The following GFOD1 variants were observed in gnomAD, a reference collection of about 807,000 sequenced individuals.
The protein encoded by GFOD1 is glucose-fructose oxidoreductase domain-containing protein 1.
GFOD1 carries 9 observed loss-of-function variants against 25.4 expected under a neutral mutation model. The observed-to-expected ratio is 0.35, with a 90% CI of 0.21 to 0.62. GFOD1 has a LOEUF of 0.62. Ranked by LOEUF, GFOD1 falls within the 20% of genes least tolerant of loss-of-function variation. The pLI is 0.72. For missense variants in GFOD1, 403 were observed against 556.9 expected (o/e 0.72, Z 2.78); for synonymous variants, 253 against 245.6 (o/e 1.03, Z -0.28).
Position 13,365,463 on chromosome 6 carries a change from G to A in GFOD1, c.453C>T (p.His151=), listed in dbSNP as rs749645428. Residue 151 remains histidine, a synonymous_variant, in exon 2 of 2, where the codon CAC becomes CAT. Coordinates refer to ENST00000379287, the MANE Select transcript of GFOD1 (RefSeq NM_018988.4). This position sits in a 1 kb window ranked among gnomAD's most constrained non-coding sequence, Gnocchi z 9.2. ...ACTTCTTGCCCAGCAGGCTGCCGCCGTGCACCTGCACCTCACACACCAGCG... is the reference window on the plus strand; with the variant it reads ...ACTTCTTGCCCAGCAGGCTGCCGCCATGCACCTGCACCTCACACACCAGCG... ...GEPLVCEVQV[H]GGSLLGKKYN... 13 of 1,613,550 alleles carry A rather than the reference G, an allele frequency of 8.1e-6. No individual in the cohort carries two copies. In the East Asian group the frequency reaches 1.6e-4, roughly 19 times the overall value.
chr6:13,359,100 T>G lies in GFOD1; in HGVS notation c.*5643A>C, dbSNP rs1486705441. 6.6e-6 allele frequency: 1 copy of G among 152,260 alleles called. No individual in the cohort carries two copies. The highest frequency in any genetic ancestry group is 1.5e-5 in the Non-Finnish European group (1 of 68,110). 9.4% of individuals were successfully genotyped at this position (152,260 alleles called of 1,614,324 possible). A position where few individuals can be genotyped will look rare whatever the true frequency, so the allele number is the denominator to read the frequency against. On this transcript the variant is annotated 3_prime_UTR_variant, in exon 2 of 2. Transcript: ENST00000379287. Reference sequence around the variant, plus strand: ...AAGAAGCGCAGGAGGTCTTGACTCTTCCTATGAGAAGTCCCAGAAGCCCCA... The same window carrying G: ...AAGAAGCGCAGGAGGTCTTGACTCTGCCTATGAGAAGTCCCAGAAGCCCCA...
In GFOD1 at chr6:13,358,817, G is replaced by A. The variant is rs1784905974; in HGVS notation, c.*5926C>T. 1 of 152,416 alleles carries A rather than the reference G, an allele frequency of 6.6e-6. No homozygotes were observed. Among genetic ancestry groups the A allele is most frequent in the African/African-American group, 2.4e-5 (1 of 41,580 alleles). 9.4% of individuals were successfully genotyped at this position (152,416 alleles called of 1,614,324 possible). A position where few individuals can be genotyped will look rare whatever the true frequency, so the allele number is the denominator to read the frequency against. On this transcript the variant is annotated 3_prime_UTR_variant, in exon 2 of 2. Transcript: ENST00000379287. ...GGCAAGCTTTTGATTGCCACACTAA[G>A]CATCAAGCCATTGCATATAATATGT...
intron 1 of GFOD1, among the ~76,000 whole-genome samples, chr6:13,378,719 T>C (rs563601652): frequency 1.3e-5 from 2 of 152,190 alleles, no homozygotes; most frequent in South Asian, 4.2e-4. Flanking sequence ...TGCCACATAC[T>C]CCACTTCCAT....
chr6:13,409,704 G>A (rs1329960156), intron 1 of GFOD1, among the ~76,000 whole-genome samples: 2 of 152,096 alleles, frequency 1.3e-5, no homozygotes, highest in African/African-American at 2.4e-5. Context: ...GGCAGATCAC[G>A]AGGTTGGGAG....
chr6:13,392,877 A>G (rs529336410), intron 1 of GFOD1, among the ~76,000 whole-genome samples: 1 of 150,492 alleles, frequency 6.6e-6, no homozygotes, highest in African/African-American at 2.4e-5. Context: ...GCAACATAGC[A>G]AGATGCTGTC....
intron 1 of GFOD1, among the ~76,000 whole-genome samples, chr6:13,453,218 C>T (rs1026196608): frequency 2.0e-5 from 3 of 152,204 alleles, no homozygotes; most frequent in Admixed American, 1.3e-4. Context: ...AAATTTCCAT[C>T]CTGCTTCCAG....
At chr6:13,460,089 G>A (rs9370129) in intron 1 of GFOD1, among the ~76,000 whole-genome samples, 23,476 of 152,272 alleles carry the variant, frequency 0.15, 2,054 homozygotes, top group South Asian at 0.26. Context: ...AGCCGAGATC[G>A]CGCCACTGCA....
At chr6:13,372,895 G>T (rs926561162) in intron 1 of GFOD1, among the ~76,000 whole-genome samples, 2 of 152,188 alleles carry the variant, frequency 1.3e-5, no homozygotes, top group Admixed American at 1.3e-4. Flanking sequence ...TCTTCTAGAA[G>T]CCAAAACGGA....
chr6:13,446,067 C>T (rs185965735), intron 1 of GFOD1, among the ~76,000 whole-genome samples: 2 of 152,286 alleles, frequency 1.3e-5, no homozygotes, highest in African/African-American at 4.8e-5. Context: ...CAGAGGGAGA[C>T]GGGATCTCAA....
intron 1 of GFOD1, among the ~76,000 whole-genome samples, chr6:13,405,024 C>CATCA (rs1159240260): frequency 6.6e-6 from 1 of 152,220 alleles, no homozygotes; most frequent in South Asian, 2.1e-4. Flanking sequence ...TCTCACCTTA[C>CATCA]ATCAGTACCT....
rs1425630913 is a variant in GFOD1 at position 13,461,907 on chromosome 6, CAATGAGT to C, written c.253+24724_253+24730del. 2.9e-4 allele frequency among the ~76,000 whole-genome samples: 44 copies of C among 152,324 alleles called. 1 individual carries two copies. The highest frequency in any genetic ancestry group is 2.3e-3 in the East Asian group (12 of 5,164). ...TGCACCCTGTGTACCAAGCATGGTG[CAATGAGT>C]CACCAATGCCCTGGGGCAGAGCAGG... On this transcript the variant is annotated intron_variant, in intron 1 of 1. Transcript: ENST00000379287.
rs376260284 is a variant in GFOD1, at chr6:13,472,950, C to T, written c.253+13688G>A. On this transcript the variant is annotated intron_variant, in intron 1 of 1. Coordinates refer to ENST00000379287, the MANE Select transcript of GFOD1 (RefSeq NM_018988.4). ...TTCCTCAAACCATCTCCCAAGATGG[C>T]AGACTACTCTGAGAGAGCCTCACAA... 2.6e-5 allele frequency among the ~76,000 whole-genome samples: 4 copies of T among 152,190 alleles called. No individual in the cohort carries two copies. In the East Asian group the frequency reaches 7.7e-4, roughly 29 times the overall value.
intron 1 of GFOD1, among the ~76,000 whole-genome samples, chr6:13,390,656 G>A (rs181288453): frequency 1.1e-3 from 169 of 151,536 alleles, no homozygotes; most frequent in Middle Eastern, 3.4e-3. Flanking sequence ...CAGCCTAGGA[G>A]TCTGAGGCTG....
At chr6:13,398,764 T>C (rs1408957517) in intron 1 of GFOD1, among the ~76,000 whole-genome samples, 1 of 152,132 alleles carries the variant, frequency 6.6e-6, no homozygotes, top group African/African-American at 2.4e-5. Flanking sequence ...GCGACTCCAC[T>C]TTCCCTCAGG....
intron 1 of GFOD1, among the ~76,000 whole-genome samples, chr6:13,421,690 T>TG (rs1786259710): frequency 1.3e-5 from 2 of 151,430 alleles, no homozygotes; most frequent in South Asian, 4.2e-4. Flanking sequence ...CAGAGGCAAG[T>TG]GAAAAAAAAA....
rs578021663 is a variant in GFOD1 at position 13,430,930 on chromosome 6, G to A, written c.253+55708C>T. ...CCTCTCTACAGTCCAGCCATCATACGAATGCCTTATATGTGCTTCATCTCA... is the reference window on the plus strand; with the variant it reads ...CCTCTCTACAGTCCAGCCATCATACAAATGCCTTATATGTGCTTCATCTCA... On this transcript the variant is annotated intron_variant, in intron 1 of 1. Coordinates refer to ENST00000379287, the MANE Select transcript of GFOD1 (RefSeq NM_018988.4). This position sits in a 1 kb window ranked among gnomAD's most constrained non-coding sequence, Gnocchi z 4.1. Among the ~76,000 whole-genome samples, 10 of 152,168 alleles carry A rather than the reference G, an allele frequency of 6.6e-5. No individual in the cohort carries two copies. Among genetic ancestry groups the A allele is most frequent in the Non-Finnish European group, 1.2e-4 (8 of 68,040 alleles).
chr6:13,482,685 T>A (rs1240508214), intron 1 of GFOD1, among the ~76,000 whole-genome samples: 1 of 151,932 alleles, frequency 6.6e-6, no homozygotes, highest in Non-Finnish European at 1.5e-5. Context: ...GAGGTGGAGG[T>A]TGCAGTGAGC....
intron 1 of GFOD1, among the ~76,000 whole-genome samples, chr6:13,395,782 G>A (rs866508185): frequency 6.6e-6 from 1 of 152,124 alleles, no homozygotes; most frequent in African/African-American, 2.4e-5. Context: ...TCAACGCTAC[G>A]GCCACTCCAC....
intron 1 of GFOD1, among the ~76,000 whole-genome samples, chr6:13,455,972 C>A (rs969781367): frequency 1.3e-5 from 2 of 152,102 alleles, no homozygotes; most frequent in African/African-American, 4.8e-5. Context: ...GACAAGATTG[C>A]GGGGCATGAT....
Sources: allele counts gnomAD v4.1 joint callset (sites outside exome capture counted in the v4.1 genomes callset), GRCh38; gene constraint gnomAD v4.1.1; non-coding constraint Gnocchi (gnomAD v3.1); transcripts MANE v1.5; gene names NCBI Gene and HGNC (gene_info 2026-07-23, HGNC 2026-07-21).